DLGAP2: variants seen among roughly 807,000 people sequenced by gnomAD.
DLGAP2 encodes the protein disks large-associated protein 2.
A neutral mutation model predicts 100.3 loss-of-function variants in DLGAP2; 26 were observed. The ratio of observed to expected loss-of-function variants is 0.26; its 90% CI spans 0.19 to 0.36. The LOEUF (loss-of-function observed/expected upper bound fraction) is 0.36. Among genes scored for constraint, DLGAP2 ranks in the 10% least tolerant of loss-of-function variants. The pLI is 1.00. For missense variants in DLGAP2, 1,858 were observed against 1,453.2 expected (o/e 1.28, Z -4.53); for synonymous variants, 886 against 630.1 (o/e 1.41, Z -6.08).
intron 2 of DLGAP2, among the ~76,000 whole-genome samples, chr8:1,030,834 C>T (rs763995488): frequency 5.9e-5 from 9 of 152,130 alleles, no homozygotes; most frequent in African/African-American, 1.4e-4. Context: ...GGGCCGCGGG[C>T]GGGACCTTCC....
chr8:738,076 G>A, intron 1 of DLGAP2: 1 of 274,102 alleles, frequency 3.6e-6, no homozygotes, highest in Non-Finnish European at 6.8e-6. Flanking sequence ...GGGGTGCCGG[G>A]ACCCTGGGCT....
At chr8:1,283,148 G>C (rs79098024) in intron 3 of DLGAP2, among the ~76,000 whole-genome samples, 1 of 129,868 alleles carries the variant, frequency 7.7e-6, no homozygotes, top group African/African-American at 2.9e-5. Flanking sequence ...AACCCAGCAC[G>C]TGAACCATCT....
At chr8:1,481,989 T>C (rs941106717) in intron 3 of DLGAP2, among the ~76,000 whole-genome samples, 1 of 152,216 alleles carries the variant, frequency 6.6e-6, no homozygotes, top group African/African-American at 2.4e-5. Context: ...ATGACTGCTC[T>C]CAGCCCTCCT....
chr8:1,110,365 T>C (rs9774105), intron 2 of DLGAP2, among the ~76,000 whole-genome samples: 46,593 of 143,372 alleles, frequency 0.32, 8,540 homozygotes, highest in Non-Finnish European at 0.43. Flanking sequence ...GGGTCTGTGA[T>C]GTGTGCATGT....
At chr8:880,056 T>G (rs1223222058) in intron 1 of DLGAP2, among the ~76,000 whole-genome samples, 1 of 152,196 alleles carries the variant, frequency 6.6e-6, no homozygotes, top group Admixed American at 6.5e-5. Context: ...TGTCCTGGCC[T>G]TCTTGTCCTG....
At chr8:1,051,651 C>T (rs1359917251) in intron 2 of DLGAP2, among the ~76,000 whole-genome samples, 1 of 152,090 alleles carries the variant, frequency 6.6e-6, no homozygotes, top group African/African-American at 2.4e-5. Context: ...ATTTTGGGAT[C>T]CAGAGTAAAG....
chr8:1,426,927 C>T (rs1486199091), intron 3 of DLGAP2, among the ~76,000 whole-genome samples: 1 of 152,008 alleles, frequency 6.6e-6, no homozygotes, highest in South Asian at 2.1e-4. Context: ...ATACAGGATA[C>T]AAGAAACAGC....
Position 986,158 on chromosome 8 carries a change from G to C in DLGAP2, c.73+78192G>C, listed in dbSNP as rs112632051. ...TCTTCATAGCTCACTTATTAGTAGG[G>C]AGTGTGACTGGTTGGGAAGAGGCTT... On this transcript the variant is annotated intron_variant, in intron 2 of 14. Coordinates refer to ENST00000637795, the MANE Select transcript of DLGAP2 (RefSeq NM_001346810.2). 5.6e-3 allele frequency among the ~76,000 whole-genome samples: 848 copies of C among 152,172 alleles called. 8 individuals carry two copies. Among genetic ancestry groups the C allele is most frequent in the African/African-American group, 0.019 (807 of 41,498 alleles).
intron 6 of DLGAP2, among the ~76,000 whole-genome samples, chr8:1,595,070 C>G (rs949355537): frequency 6.6e-6 from 1 of 151,932 alleles, no homozygotes; most frequent in East Asian, 2.0e-4. Context: ...GAGACAAGAT[C>G]TTGCTCTGTC....
intron 3 of DLGAP2, among the ~76,000 whole-genome samples, chr8:1,299,218 C>T (rs1800269352): frequency 1.3e-5 from 2 of 152,226 alleles, no homozygotes; most frequent in South Asian, 4.1e-4. Flanking sequence ...GGCGGCACAG[C>T]TCTGGGCTCC....
In DLGAP2 at chr8:1,416,517, T is replaced by A. The variant is rs1383459582; in HGVS notation, c.107-84849T>A. ...TTTCCTAAGTGAGGACATGGAGTTC[T>A]AGCCCCGCTGAATGAACCACCCGAG... On this transcript the variant is annotated intron_variant, in intron 3 of 14. Coordinates refer to ENST00000637795, the MANE Select transcript of DLGAP2 (RefSeq NM_001346810.2). Among the ~76,000 whole-genome samples, 3 of 152,338 alleles carry A rather than the reference T, an allele frequency of 2.0e-5. No homozygotes were observed. The East Asian group carries it at 5.8e-4, about 29-fold the overall frequency.
intron 3 of DLGAP2, among the ~76,000 whole-genome samples, chr8:1,351,061 A>G (rs184447521): frequency 0.011 from 88 of 7,710 alleles, 1 homozygote; most frequent in Admixed American, 0.023. Context: ...GGCCGTGCAG[A>G]TCCTGAGTGT....
At chr8:1,144,764 C>T (rs979430244) in intron 2 of DLGAP2, among the ~76,000 whole-genome samples, 3 of 152,242 alleles carry the variant, frequency 2.0e-5, no homozygotes, top group South Asian at 2.1e-4. Flanking sequence ...ACAGTCAAAC[C>T]GCAGACGGCC....
At chr8:1,440,244 A>G (rs1161190688) in intron 3 of DLGAP2, among the ~76,000 whole-genome samples, 1 of 152,224 alleles carries the variant, frequency 6.6e-6, no homozygotes, top group Non-Finnish European at 1.5e-5. Context: ...TCGGGTATCT[A>G]TTTTGAGTTC....
chr8:1,130,014 G>C (rs1009556900), intron 2 of DLGAP2, among the ~76,000 whole-genome samples: 3 of 152,320 alleles, frequency 2.0e-5, no homozygotes, highest in Middle Eastern at 6.8e-3. Flanking sequence ...GATCCTGCGC[G>C]TGTAGCTCAC....
At position 1,701,579 on chromosome 8, in the gene DLGAP2, C is replaced by T. The variant is rs1363783954; in HGVS notation, c.*173C>T. 2 of 692,472 alleles carry T rather than the reference C, an allele frequency of 2.9e-6. No homozygotes were observed. Among genetic ancestry groups the T allele is most frequent in the Non-Finnish European group, 4.7e-6 (2 of 427,126 alleles). The allele number at this position is 692,472 out of a possible 1,614,324, so 42.9% of individuals were successfully genotyped here. ...GCCGGCGGCCTCAGAGTCCACGGAG[C>T]TCGCGGCGAGGACGACTTCTGCTTT... On this transcript the variant is annotated 3_prime_UTR_variant, in exon 15 of 15. Coordinates refer to ENST00000637795, the MANE Select transcript of DLGAP2 (RefSeq NM_001346810.2).
rs76775840 is a variant in DLGAP2 at position 1,667,906 on chromosome 8, C to T, written c.1811-423C>T. Among the ~76,000 whole-genome samples the T allele has an allele frequency of 3.5e-4, 52 of 150,282 alleles. No homozygotes were observed. The East Asian group carries it at 9.6e-3, about 28-fold the overall frequency. ...ATTTTTAAATGATGCCATGCCTGTG[C>T]GCTGTCCTGCGGGGACACACCTTGC... On this transcript the variant is annotated intron_variant, in intron 8 of 14. Transcript: ENST00000637795.
chr8:1,668,728 A>G (rs1159247958), intron 9 of DLGAP2, 50 bp downstream of exon 9: 2 of 1,442,110 alleles, frequency 1.4e-6, no homozygotes, highest in Non-Finnish European at 1.8e-6. Context: ...CAGTCCTGCC[A>G]ATAGCCTAGA....
chr8:756,199 G>A (rs988459114), intron 1 of DLGAP2, among the ~76,000 whole-genome samples: 2 of 152,152 alleles, frequency 1.3e-5, no homozygotes, highest in Non-Finnish European at 2.9e-5. Context: ...GGGAGGAGCT[G>A]GCGTCTGGGG....
Sources: gnomAD v4.1 joint callset for allele counts (sites outside exome capture counted in the v4.1 genomes callset) on GRCh38, gnomAD v4.1.1 for gene constraint, MANE v1.5 for transcripts, NCBI Gene and HGNC (gene_info 2026-07-23, HGNC 2026-07-21) for gene names.